PHACTR1: variants seen among roughly 807,000 people sequenced by gnomAD.
PHACTR1 encodes RPEL repeat containing 1.
Under a neutral mutation model 69.2 loss-of-function variants are expected in PHACTR1, and 16 were observed. The observed-to-expected ratio is 0.23, with a 90% CI of 0.16 to 0.35. The LOEUF is 0.35. Ranked by LOEUF, PHACTR1 falls within the 10% of genes least tolerant of loss-of-function variation. PHACTR1 has a pLI of 1.00. For missense variants in PHACTR1, 510 were observed against 734.7 expected (o/e 0.69, Z 3.54); for synonymous variants, 312 against 284.5 (o/e 1.10, Z -0.97).
intron 4 of PHACTR1, among the ~76,000 whole-genome samples, chr6:12,986,757 A>G (rs948453566): frequency 6.6e-6 from 1 of 152,202 alleles, no homozygotes; most frequent in South Asian, 2.1e-4. Context: ...GGACGGGTGT[A>G]TGGAGAGCTT....
At chr6:13,259,460 T>C (rs998861692) in intron 10 of PHACTR1, among the ~76,000 whole-genome samples, 11 of 152,168 alleles carry the variant, frequency 7.2e-5, no homozygotes, top group African/African-American at 2.7e-4. Flanking sequence ...TGCACTGGGG[T>C]CATAGCCTCC....
At chr6:12,824,104 C>T (rs1190652074) in intron 4 of PHACTR1, among the ~76,000 whole-genome samples, 1 of 152,180 alleles carries the variant, frequency 6.6e-6, no homozygotes, top group Non-Finnish European at 1.5e-5. Flanking sequence ...ACTGCCTGAG[C>T]TCTGCCTCCC....
rs962542094 is a variant in PHACTR1 at position 12,766,753 on chromosome 6, TA to T, written c.250+16964del. 2.5e-4 allele frequency among the ~76,000 whole-genome samples: 38 copies of T among 152,254 alleles called. 1 individual carries two copies. The highest frequency in any genetic ancestry group is 9.2e-4 in the African/African-American group (38 of 41,468). On this transcript the variant is annotated intron_variant, in intron 4 of 14. Transcript: ENST00000332995. ...ACATACAAATAGTTTAGGCATGTTT[TA>T]TTTGCTGCTAAAAATATTGAAAGAA...
In PHACTR1 at chr6:13,230,213, T is replaced by TG; in HGVS notation, c.1391+21dup. The TG allele has an allele frequency of 6.3e-7, 1 of 1,598,674 alleles. No homozygotes were observed. Among genetic ancestry groups the TG allele is most frequent in the Non-Finnish European group, 8.5e-7 (1 of 1,173,018 alleles). ...CACCAGGTAGGACAGCGGCACCCTC[T>TG]GCCTCCCTGGCAGTGGGCCTTTAGC... On this transcript the variant is annotated intron_variant, in intron 10 of 14. Coordinates refer to ENST00000332995, the MANE Select transcript of PHACTR1 (RefSeq NM_030948.6).
chr6:13,284,539 AAAAAATATATATATAT>A (rs1781107525), intron 13 of PHACTR1, among the ~76,000 whole-genome samples: 3 of 76,666 alleles, frequency 3.9e-5, no homozygotes, highest in African/African-American at 2.1e-4. Context: ...AAAAAAAAAA[AAAAAATATATATATAT>A]ATATATATAT....
chr6:13,283,789 G>C lies in PHACTR1; in HGVS notation c.1650+227G>C, dbSNP rs770896628. The C allele has an allele frequency of 5.1e-6, 3 of 587,368 alleles. No homozygotes were observed. Among genetic ancestry groups the C allele is most frequent in the Non-Finnish European group, 8.8e-6 (3 of 339,728 alleles). 36.4% of individuals were successfully genotyped at this position (587,368 alleles called of 1,614,324 possible). A position where few individuals can be genotyped will look rare whatever the true frequency, so the allele number is the denominator to read the frequency against. ...CACATAATACTGTGCCCATTTTACA[G>C]GAGGAGGAGCAGCAGCCTGGGAGGC... is the stretch of plus-strand genomic sequence containing the variant. On this transcript the variant is annotated intron_variant, in intron 13 of 14. Transcript: ENST00000332995. This position sits in a 1 kb window ranked among gnomAD's most constrained non-coding sequence, Gnocchi z 4.7.
chr6:12,918,785 G>C (rs1053756680), intron 4 of PHACTR1, among the ~76,000 whole-genome samples: 4 of 152,142 alleles, frequency 2.6e-5, no homozygotes, highest in African/African-American at 9.7e-5. Context: ...CCTAGAAGTG[G>C]ACCAGGTGTC....
intron 3 of PHACTR1, among the ~76,000 whole-genome samples, chr6:12,721,929 C>T (rs1173761534): frequency 6.6e-6 from 1 of 152,208 alleles, no homozygotes; most frequent in Non-Finnish European, 1.5e-5. Flanking sequence ...AACGGCAAGG[C>T]TCCGAGGACC....
intron 4 of PHACTR1, chr6:12,933,714 T>C: frequency 6.2e-7 from 1 of 1,612,834 alleles, no homozygotes; most frequent in Non-Finnish European, 8.5e-7. Flanking sequence ...GGGCTCGAAC[T>C]GTGTTCCCTG....
At chr6:12,785,120 A>G (rs1581736540) in intron 4 of PHACTR1, among the ~76,000 whole-genome samples, 1 of 152,306 alleles carries the variant, frequency 6.6e-6, no homozygotes, top group East Asian at 1.9e-4. Flanking sequence ...ATACTACAGC[A>G]AAAGAAAGAG....
Position 12,758,297 on chromosome 6 carries a change from G to C in PHACTR1, c.250+8507G>C, listed in dbSNP as rs949741294. Among the ~76,000 whole-genome samples, 29 of 151,188 alleles carry C rather than the reference G, an allele frequency of 1.9e-4. 1 individual carries two copies. Among genetic ancestry groups the C allele is most frequent in the Non-Finnish European group, 4.4e-5 (3 of 67,826 alleles). On this transcript the variant is annotated intron_variant, in intron 4 of 14. Coordinates refer to ENST00000332995, the MANE Select transcript of PHACTR1 (RefSeq NM_030948.6). ...GTCTCTACTAAAAATCCAAAAGTTA[G>C]CCGGTGTGGGGGCACACACCTGTAG...
At chr6:12,830,129 G>GAAAGAAAGAAAGA (rs1554146480) in intron 4 of PHACTR1, among the ~76,000 whole-genome samples, 2,953 of 136,654 alleles carry the variant, frequency 0.022, 72 homozygotes, top group Middle Eastern at 0.025. Context: ...AAGAAAGAAA[G>GAAAGAAAGAAAGA]AAAGAAAGAA....
intron 4 of PHACTR1, among the ~76,000 whole-genome samples, chr6:12,954,536 C>G (rs1435600542): frequency 2.0e-5 from 3 of 151,652 alleles, no homozygotes; most frequent in Non-Finnish European, 4.4e-5. Context: ...ATTAGGAGGG[C>G]TAGGGGAAAT....
At chr6:13,270,332 A>G (rs1417879739) in intron 10 of PHACTR1, among the ~76,000 whole-genome samples, 1 of 152,186 alleles carries the variant, frequency 6.6e-6, no homozygotes, top group Non-Finnish European at 1.5e-5. Context: ...ATGGTCAGCA[A>G]CCTGGAAGCT....
At chr6:13,249,364 C>T (rs553607500) in intron 10 of PHACTR1, among the ~76,000 whole-genome samples, 2 of 152,006 alleles carry the variant, frequency 1.3e-5, no homozygotes, top group Non-Finnish European at 2.9e-5. Flanking sequence ...ACCACCTTGC[C>T]CCCAAACCCC....
intron 6 of PHACTR1, among the ~76,000 whole-genome samples, chr6:13,180,941 C>T (rs1431789892): frequency 6.6e-6 from 1 of 151,214 alleles, no homozygotes; most frequent in African/African-American, 2.4e-5. Context: ...TTATTGATCC[C>T]AATTATAATA....
In PHACTR1 at chr6:12,726,121, T is replaced by C. The variant is rs573240884; in HGVS notation, c.103+7274T>C. Among the ~76,000 whole-genome samples, 484 of 152,302 alleles carry C rather than the reference T, an allele frequency of 3.2e-3. 1 individual carries two copies. Among genetic ancestry groups the C allele is most frequent in the Admixed American group, 5.7e-3 (87 of 15,306 alleles). On this transcript the variant is annotated intron_variant, in intron 3 of 14. Coordinates refer to ENST00000332995, the MANE Select transcript of PHACTR1 (RefSeq NM_030948.6). ...AGCAAGTCATCAACTCTGCTGTATC[T>C]CATATAAGAAGAAATTAAACAAAAG...
At chr6:13,177,364 G>A (rs546251396) in intron 6 of PHACTR1, among the ~76,000 whole-genome samples, 6 of 145,910 alleles carry the variant, frequency 4.1e-5, no homozygotes, top group African/African-American at 7.7e-5. Flanking sequence ...TCTCTCTTGC[G>A]CTCTCTCTCT....
chr6:13,115,283 A>G (rs539071760), intron 5 of PHACTR1, among the ~76,000 whole-genome samples: 2 of 152,304 alleles, frequency 1.3e-5, no homozygotes, highest in African/African-American at 4.8e-5. Flanking sequence ...ATTTTACTGC[A>G]ATCCAACTCA....
Sources: allele counts gnomAD v4.1 joint callset (sites outside exome capture counted in the v4.1 genomes callset), GRCh38; gene constraint gnomAD v4.1.1; non-coding constraint Gnocchi (gnomAD v3.1); transcripts MANE v1.5; gene names NCBI Gene and HGNC (gene_info 2026-07-23, HGNC 2026-07-21).